The following CAMTA1 variants were observed in gnomAD, a reference collection of about 807,000 sequenced individuals.
CAMTA1 encodes calmodulin-binding transcription activator 1.
CAMTA1 carries 27 observed loss-of-function variants against 170.9 expected under a neutral mutation model. The observed-to-expected ratio is 0.16, with a 90% CI of 0.12 to 0.22. CAMTA1 has a LOEUF of 0.22. CAMTA1 is among the 10% of genes least tolerant of loss of function. CAMTA1 has a pLI of 1.00. For synonymous variants in CAMTA1, 833 were observed against 891.5 expected (o/e 0.93, Z 1.17); for missense variants, 1,619 against 2,217.2 (o/e 0.73, Z 5.42).
chr1:7,670,803 G>T (rs571508016), intron 9 of CAMTA1, 108 bp from the exon 10 acceptor site: 1 of 1,261,488 alleles, frequency 7.9e-7, no homozygotes, highest in Non-Finnish European at 1.1e-6. Context: ...TGCATGGGGC[G>T]AGGGGTACAG....
At chr1:7,139,999 T>C (rs534526954) in intron 4 of CAMTA1, among the ~76,000 whole-genome samples, 1 of 152,224 alleles carries the variant, frequency 6.6e-6, no homozygotes, top group Non-Finnish European at 1.5e-5. Flanking sequence ...CCTAAATGCT[T>C]TATGTACATT....
In CAMTA1 at chr1:6,869,008, C is replaced by T. The variant is rs1466076086; in HGVS notation, c.234+43798C>T. ...TGTAATGTAAAAAGTCTTCCTTGAGCTAGACTAGCTTTCTGTACTCTTTGA... is the reference window on the plus strand; with the variant it reads ...TGTAATGTAAAAAGTCTTCCTTGAGTTAGACTAGCTTTCTGTACTCTTTGA... On this transcript the variant is annotated intron_variant, in intron 3 of 22. Transcript: ENST00000303635. 2.0e-5 allele frequency among the ~76,000 whole-genome samples: 3 copies of T among 152,214 alleles called. No homozygotes were observed. The South Asian group carries it at 6.2e-4, about 31-fold the overall frequency.
chr1:7,311,156 C>T (rs1676672387), intron 5 of CAMTA1, among the ~76,000 whole-genome samples: 1 of 152,160 alleles, frequency 6.6e-6, no homozygotes, highest in Non-Finnish European at 1.5e-5. Context: ...CGTCTTGTGC[C>T]AAATTTTTGA....
intron 3 of CAMTA1, among the ~76,000 whole-genome samples, chr1:6,990,397 C>T (rs1401382811): frequency 6.6e-6 from 1 of 152,106 alleles, no homozygotes; most frequent in African/African-American, 2.4e-5. Flanking sequence ...TGCTTTATCC[C>T]ATATTCATCC....
rs1423786740 is a variant in CAMTA1 at position 7,173,516 on chromosome 1, T to C, written c.303-75975T>C. On this transcript the variant is annotated intron_variant, in intron 4 of 22. Transcript: ENST00000303635. The surrounding 1 kb of genome is among the most constrained non-coding windows in gnomAD (Gnocchi z 5.4). ...GATTCTCCTACCTCAGCATCTCAAGTAGCTGGGATTACAGGCACGTGCCAC... is the reference window on the plus strand; with the variant it reads ...GATTCTCCTACCTCAGCATCTCAAGCAGCTGGGATTACAGGCACGTGCCAC... 6.6e-6 allele frequency among the ~76,000 whole-genome samples: 1 copy of C among 152,034 alleles called. No individual in the cohort carries two copies. The highest frequency in any genetic ancestry group is 2.4e-5 in the African/African-American group (1 of 41,402).
intron 6 of CAMTA1, among the ~76,000 whole-genome samples, chr1:7,621,599 G>C (rs77526415): frequency 0.024 from 3,612 of 152,302 alleles, 139 homozygotes; most frequent in African/African-American, 0.082. Flanking sequence ...TTAATTTCCT[G>C]TCAGGTGCCT....
chr1:6,871,728 T>C, intron 3 of CAMTA1: 1 of 1,526,952 alleles, frequency 6.5e-7, no homozygotes. Context: ...GATACTAGTT[T>C]TACTTACTGG....
chr1:7,520,931 C>T (rs985791600), intron 6 of CAMTA1, among the ~76,000 whole-genome samples: 1 of 147,128 alleles, frequency 6.8e-6, no homozygotes, highest in Non-Finnish European at 1.5e-5. Context: ...CACACATGCA[C>T]CCACACACCT....
intron 6 of CAMTA1, among the ~76,000 whole-genome samples, chr1:7,499,197 G>A (rs1367401491): frequency 7.9e-6 from 1 of 126,718 alleles, no homozygotes; most frequent in Non-Finnish European, 1.6e-5. Flanking sequence ...CAGAGAGGAT[G>A]GTGTGATCCT....
intron 11 of CAMTA1, among the ~76,000 whole-genome samples, chr1:7,726,813 A>G (rs2096690863): frequency 6.6e-6 from 1 of 152,248 alleles, no homozygotes. Context: ...ACCGCCAGGC[A>G]GGAAGTGGAG....
At chr1:7,470,277 C>T (rs573238242) in intron 6 of CAMTA1, among the ~76,000 whole-genome samples, 2 of 152,374 alleles carry the variant, frequency 1.3e-5, no homozygotes, top group East Asian at 1.9e-4. Context: ...TAGCACAATG[C>T]ACGCCCTGCT....
At chr1:7,742,114 TG>T (rs1176009879) in intron 16 of CAMTA1, among the ~76,000 whole-genome samples, 2 of 145,102 alleles carry the variant, frequency 1.4e-5, no homozygotes, top group Admixed American at 1.4e-4. Context: ...GGCAAATTAA[TG>T]TGTGTGTGTA....
chr1:6,875,935 T>C (rs1249624563), intron 3 of CAMTA1, among the ~76,000 whole-genome samples: 1 of 152,220 alleles, frequency 6.6e-6, no homozygotes. Flanking sequence ...TGCTGTTAAT[T>C]CTGTAGTTGA....
chr1:7,749,610 G>A (rs531045468), intron 19 of CAMTA1, among the ~76,000 whole-genome samples: 104 of 149,712 alleles, frequency 6.9e-4, no homozygotes, highest in Non-Finnish European at 1.3e-3. Context: ...TTTGGAAAGA[G>A]TAACAACTAT....
intron 3 of CAMTA1, among the ~76,000 whole-genome samples, chr1:6,852,601 A>G (rs1275030874): frequency 3.3e-5 from 5 of 152,242 alleles, no homozygotes; most frequent in Admixed American, 1.3e-4. Context: ...ACAGAATACA[A>G]TTCAGGAACA....
chr1:6,880,957 A>T (rs938589680), intron 3 of CAMTA1, among the ~76,000 whole-genome samples: 2 of 152,164 alleles, frequency 1.3e-5, no homozygotes, highest in African/African-American at 4.8e-5. Flanking sequence ...AAAATAAATA[A>T]CAGTAATTGC....
chr1:6,959,148 C>T (rs1030099387), intron 3 of CAMTA1, among the ~76,000 whole-genome samples: 5 of 152,198 alleles, frequency 3.3e-5, no homozygotes, highest in Non-Finnish European at 7.3e-5. Flanking sequence ...AAAACATGCT[C>T]ATCCTTGGTT....
chr1:7,422,497 T>TG (rs1035937038), intron 5 of CAMTA1, among the ~76,000 whole-genome samples: 12 of 152,176 alleles, frequency 7.9e-5, no homozygotes, highest in African/African-American at 2.6e-4. Flanking sequence ...CCCTCTGTGC[T>TG]GGGGGGATCT....
In CAMTA1 at chr1:6,872,383, T is replaced by TG. The variant is rs1668662594; in HGVS notation, c.234+47177dup. Reference sequence around the variant, plus strand: ...TTATATTTTGTATTCTGAAGTATTTTGGGGAGAAAAAGCTTAGACTTTTAA... The same window carrying TG: ...TTATATTTTGTATTCTGAAGTATTTTGGGGGAGAAAAAGCTTAGACTTTTAA... On this transcript the variant is annotated intron_variant, in intron 3 of 22. Coordinates refer to ENST00000303635, the MANE Select transcript of CAMTA1 (RefSeq NM_015215.4). Among the ~76,000 whole-genome samples the TG allele has an allele frequency of 5.3e-5, 8 of 152,354 alleles. No individual in the cohort carries two copies. The South Asian group carries it at 1.7e-3, about 32-fold the overall frequency.
Sources: gnomAD v4.1 joint callset for allele counts (sites outside exome capture counted in the v4.1 genomes callset) on GRCh38, gnomAD v4.1.1 for gene constraint, Gnocchi (gnomAD v3.1) non-coding constraint, MANE v1.5 for transcripts, NCBI Gene and HGNC (gene_info 2026-07-23, HGNC 2026-07-21) for gene names.